Variants in RIMS2 observed in about 807,000 individuals in gnomAD.
RIMS2 encodes regulating synaptic membrane exocytosis 2.
Under a neutral mutation model 174.4 loss-of-function variants are expected in RIMS2, and 59 were observed. The ratio of observed to expected loss-of-function variants is 0.34; its 90% CI spans 0.27 to 0.42. The LOEUF (loss-of-function observed/expected upper bound fraction) is 0.42, where lower values mean the gene tolerates loss of function less well. RIMS2 is among the 10% of genes least tolerant of loss of function. RIMS2 has a pLI of 1.00. For missense variants in RIMS2, 1,620 were observed against 1,666.3 expected (o/e 0.97, Z 0.48); for synonymous variants, 606 against 572.5 (o/e 1.06, Z -0.84).
At chr8:104,231,072 T>C (rs1206144637) in intron 19 of RIMS2, among the ~76,000 whole-genome samples, 6 of 152,212 alleles carry the variant, frequency 3.9e-5, no homozygotes, top group African/African-American at 1.2e-4. Flanking sequence ...AGGAAATGCT[T>C]CATTCCCAAC....
At chr8:103,965,219 G>A (rs568027206) in intron 15 of RIMS2, among the ~76,000 whole-genome samples, 3 of 152,250 alleles carry the variant, frequency 2.0e-5, no homozygotes, top group African/African-American at 7.2e-5. Context: ...GATTGAGATT[G>A]CTTTGAATCT....
At chr8:103,730,492 C>T (rs1421814336) in intron 2 of RIMS2, among the ~76,000 whole-genome samples, 1 of 151,958 alleles carries the variant, frequency 6.6e-6, no homozygotes, top group Non-Finnish European at 1.5e-5. Flanking sequence ...CCTAATTTCC[C>T]CACTTTTTAA....
In RIMS2 at chr8:104,056,574, CA is replaced by C. The variant is rs1305877899; in HGVS notation, c.3334+41960del. ...TCTTATCTCTTTGTATCTTTTCAAC[CA>C]GTGCTGTTTTTTAAGGTTTTCTTTA... is the stretch of plus-strand genomic sequence containing the variant. On this transcript the variant is annotated intron_variant, in intron 19 of 23. Coordinates refer to ENST00000504942, the Ensembl canonical transcript of RIMS2. Among the ~76,000 whole-genome samples the C allele has an allele frequency of 5.3e-5, 8 of 152,252 alleles. No homozygotes were observed. In the East Asian group the frequency reaches 1.5e-3, roughly 29 times the overall value.
At chr8:104,050,250 C>T (rs929235728) in intron 19 of RIMS2, among the ~76,000 whole-genome samples, 2 of 152,082 alleles carry the variant, frequency 1.3e-5, no homozygotes, top group African/African-American at 4.8e-5. Flanking sequence ...TAAATATATA[C>T]GTATCAGGCC....
At chr8:103,787,128 A>G (rs1380342289) in intron 3 of RIMS2, among the ~76,000 whole-genome samples, 1 of 145,262 alleles carries the variant, frequency 6.9e-6, no homozygotes, top group South Asian at 2.3e-4. Flanking sequence ...TGCTTGGTAG[A>G]TCTTCCTCCA....
intron 3 of RIMS2, among the ~76,000 whole-genome samples, chr8:103,780,808 C>A (rs1216151608): frequency 1.3e-5 from 2 of 152,016 alleles, no homozygotes; most frequent in Non-Finnish European, 2.9e-5. Flanking sequence ...GGATGTCTTT[C>A]TATGTCTTTG....
intron 4 of RIMS2, among the ~76,000 whole-genome samples, chr8:103,908,912 T>A (rs1282312867): frequency 6.6e-6 from 1 of 152,224 alleles, no homozygotes; most frequent in Non-Finnish European, 1.5e-5. Context: ...TAGAAAGACC[T>A]ACCTAAGTTG....
chr8:104,022,433 T>C (rs2096124515), intron 19 of RIMS2, among the ~76,000 whole-genome samples: 1 of 152,014 alleles, frequency 6.6e-6, no homozygotes, highest in South Asian at 2.1e-4. Context: ...CAGGCTGGAG[T>C]GCAGTGGCGC....
In RIMS2 at chr8:104,101,041, A is replaced by G. The variant is rs1050159257; in HGVS notation, c.3334+86426A>G. Among the ~76,000 whole-genome samples the G allele has an allele frequency of 4.9e-5, 7 of 143,708 alleles. No individual in the cohort carries two copies. The Admixed American group carries it at 5.1e-4, about 10-fold the overall frequency. 94.3% of individuals were successfully genotyped at this position (143,708 alleles called of 152,430 possible). On this transcript the variant is annotated intron_variant, in intron 19 of 23. Transcript: ENST00000504942. Reference sequence around the variant, plus strand: ...ATATGTAATATATGTTATATATTATATTATATATTACATATGTAATATATG... The same window carrying G: ...ATATGTAATATATGTTATATATTATGTTATATATTACATATGTAATATATG...
At chr8:104,229,460 T>C (rs2099211155) in intron 19 of RIMS2, among the ~76,000 whole-genome samples, 1 of 152,134 alleles carries the variant, frequency 6.6e-6, no homozygotes, top group Non-Finnish European at 1.5e-5. Flanking sequence ...AACAGGGTAT[T>C]TATTGTAATG....
At chr8:103,825,538 C>T (rs1564784525) in intron 3 of RIMS2, among the ~76,000 whole-genome samples, 2 of 151,466 alleles carry the variant, frequency 1.3e-5, no homozygotes, top group Non-Finnish European at 2.9e-5. Context: ...ACCTGCCTCA[C>T]CTTCCAAAGT....
chr8:104,069,346 C>T (rs1251276327), intron 19 of RIMS2, among the ~76,000 whole-genome samples: 6 of 151,750 alleles, frequency 4.0e-5, no homozygotes, highest in Non-Finnish European at 8.8e-5. Context: ...TACATATTCA[C>T]GAAGTGCTGT....
intron 3 of RIMS2, among the ~76,000 whole-genome samples, chr8:103,853,840 T>C (rs1023776545): frequency 3.3e-5 from 5 of 152,142 alleles, no homozygotes; most frequent in Non-Finnish European, 7.4e-5. Context: ...TTGTTCTTTT[T>C]GCTTAGGATG....
At chr8:103,512,654 A>G (rs1827104432) in intron 1 of RIMS2, among the ~76,000 whole-genome samples, 1 of 152,122 alleles carries the variant, frequency 6.6e-6, no homozygotes, top group African/African-American at 2.4e-5. Flanking sequence ...AGAGAAGGAC[A>G]ATCCTATCAT....
chr8:103,537,595 A>G (rs1380680305), intron 1 of RIMS2, among the ~76,000 whole-genome samples: 1 of 152,048 alleles, frequency 6.6e-6, no homozygotes, highest in East Asian at 1.9e-4. Flanking sequence ...CAGCCTCCTT[A>G]TATAAAATGA....
chr8:104,039,448 A>G (rs949568693), intron 19 of RIMS2, among the ~76,000 whole-genome samples: 1 of 151,776 alleles, frequency 6.6e-6, no homozygotes, highest in Admixed American at 6.6e-5. Flanking sequence ...GATCCACATA[A>G]TATGAAAACC....
At chr8:104,159,050 T>C (rs1256223993) in intron 19 of RIMS2, among the ~76,000 whole-genome samples, 1 of 152,192 alleles carries the variant, frequency 6.6e-6, no homozygotes, top group Non-Finnish European at 1.5e-5. Flanking sequence ...AAGTCTCTAA[T>C]CCATCTTGAG....
chr8:103,597,737 T>G (rs16870554), intron 1 of RIMS2, among the ~76,000 whole-genome samples: 27,593 of 151,916 alleles, frequency 0.18, 2,725 homozygotes, highest in African/African-American at 0.26. Flanking sequence ...ATTTTTTTTT[T>G]TATTCACCTG....
At chr8:103,560,106 T>C (rs898358173) in intron 1 of RIMS2, among the ~76,000 whole-genome samples, 1 of 152,202 alleles carries the variant, frequency 6.6e-6, no homozygotes, top group Non-Finnish European at 1.5e-5. Context: ...GTGTTTACGG[T>C]GTAAACAAAA....
Sources: gnomAD v4.1 joint callset for allele counts (sites outside exome capture counted in the v4.1 genomes callset) on GRCh38, gnomAD v4.1.1 for gene constraint, MANE v1.5 for transcripts, NCBI Gene and HGNC (gene_info 2026-07-23, HGNC 2026-07-21) for gene names.